The following ZNF107 variants were observed in gnomAD, a reference collection of about 807,000 sequenced individuals.
ZNF107 encodes the protein C2H2 type zinc-finger protein.
ZNF107 carries 19 observed loss-of-function variants against 12.3 expected under a neutral mutation model. That is an observed-to-expected ratio of 1.55 (90% CI 1.08 to 2.27). The LOEUF (loss-of-function observed/expected upper bound fraction) is 2.27, where lower values mean the gene tolerates loss of function less well. Ranked by LOEUF, ZNF107 falls within the 30% of genes most tolerant of loss-of-function variation. ZNF107 has a pLI of 0.00. For missense variants in ZNF107, 958 were observed against 979.9 expected (o/e 0.98, Z 0.30); for synonymous variants, 317 against 330.5 (o/e 0.96, Z 0.44).
At chr7:64,671,075 G>A (rs1789203943) in intron 1 of ZNF107, among the ~76,000 whole-genome samples, 1 of 152,090 alleles carries the variant, frequency 6.6e-6, no homozygotes, top group Admixed American at 6.5e-5. Flanking sequence ...CAGATTTGGT[G>A]CCAAAAGAAA....
intron 3 of ZNF107, among the ~76,000 whole-genome samples, chr7:64,696,242 G>A (rs1373452883): frequency 1.3e-5 from 2 of 152,020 alleles, no homozygotes; most frequent in Non-Finnish European, 2.9e-5. Context: ...TAGTAGAGAC[G>A]GGGTTTCACC....
intron 1 of ZNF107, among the ~76,000 whole-genome samples, chr7:64,679,988 G>A (rs1789590870): frequency 6.6e-6 from 1 of 151,918 alleles, no homozygotes; most frequent in Non-Finnish European, 1.5e-5. Flanking sequence ...CTTGTCCACA[G>A]ACCCTTCCGA....
At chr7:64,680,534 A>C (rs1789618195) in intron 1 of ZNF107, among the ~76,000 whole-genome samples, 1 of 152,162 alleles carries the variant, frequency 6.6e-6, no homozygotes, top group African/African-American at 2.4e-5. Flanking sequence ...TCACTTGCTT[A>C]GTAGAGGGAC....
rs142912266 is a variant in ZNF107, at chr7:64,709,544, A to C, written c.*888A>C. ...GTGAAAAATCCTAGAAATGTGAAAA[A>C]TATCACAAAGCCTTTAAATGGTTGT... On this transcript the variant is annotated 3_prime_UTR_variant, in exon 4 of 4. Coordinates refer to ENST00000620827, the MANE Select transcript of ZNF107 (RefSeq NM_001282359.2). 7.1e-4 allele frequency: 266 copies of C among 372,226 alleles called. No individual in the cohort carries two copies. The highest frequency in any genetic ancestry group is 5.2e-3 in the African/African-American group (235 of 45,520). The allele number at this position is 372,226 out of a possible 1,614,324, so 23.1% of individuals were successfully genotyped here. A position where few individuals can be genotyped will look rare whatever the true frequency, so the allele number is the denominator to read the frequency against.
At chr7:64,680,115 G>A (rs909639958) in intron 1 of ZNF107, among the ~76,000 whole-genome samples, 3 of 151,602 alleles carry the variant, frequency 2.0e-5, no homozygotes, top group Non-Finnish European at 4.4e-5. Context: ...CCCCATACCC[G>A]AACTGGCTGA....
intron 1 of ZNF107, among the ~76,000 whole-genome samples, chr7:64,671,470 C>T (rs1189138963): frequency 6.6e-6 from 1 of 152,188 alleles, no homozygotes; most frequent in Non-Finnish European, 1.5e-5. Context: ...GCAGCAGCAG[C>T]CTGCTCTCTC....
At chr7:64,676,201 G>A (rs1789410364) in intron 1 of ZNF107, among the ~76,000 whole-genome samples, 1 of 152,096 alleles carries the variant, frequency 6.6e-6, no homozygotes, top group African/African-American at 2.4e-5. Flanking sequence ...GGTTTTCTTT[G>A]TATTCAATTA....
In ZNF107 at chr7:64,666,209, C is replaced by A. The variant is rs1328434815; in HGVS notation, c.-74C>A. On this transcript the variant is annotated 5_prime_UTR_variant, in exon 1 of 4. Coordinates refer to ENST00000620827, the MANE Select transcript of ZNF107 (RefSeq NM_001282359.2). ...GTGTCCTCTGCTCCTAGAGGCCCAG[C>A]CTCTGTGTCCCTGTGACCTGCAGAT... The A allele has an allele frequency of 8.2e-6, 13 of 1,583,312 alleles. No individual in the cohort carries two copies. The highest frequency in any genetic ancestry group is 4.0e-5 in the African/African-American group (3 of 74,096).
chr7:64,677,827 G>A (rs1789481841), intron 1 of ZNF107, among the ~76,000 whole-genome samples: 2 of 135,042 alleles, frequency 1.5e-5, no homozygotes, highest in Non-Finnish European at 3.1e-5. Context: ...ACTCCAGCCT[G>A]GGCGACAGAG....
At chr7:64,696,376 A>G (rs1790288993) in intron 3 of ZNF107, among the ~76,000 whole-genome samples, 2 of 152,132 alleles carry the variant, frequency 1.3e-5, no homozygotes, top group Non-Finnish European at 2.9e-5. Flanking sequence ...ATAGCCAGGC[A>G]TGGTAGTGTG....
At chr7:64,674,254 G>A (rs1481219261) in intron 1 of ZNF107, among the ~76,000 whole-genome samples, 1 of 152,030 alleles carries the variant, frequency 6.6e-6, no homozygotes, top group Non-Finnish European at 1.5e-5. Flanking sequence ...AGCATAAAAC[G>A]ATTTTCCATT....
At chr7:64,686,723 C>CCG (rs1789928727) in intron 1 of ZNF107, 1 of 895,896 alleles carries the variant, frequency 1.1e-6, no homozygotes, top group Non-Finnish European at 1.3e-6. Flanking sequence ...TCTGTTCCAA[C>CCG]TGGTTGATCA....
At chr7:64,679,425 C>A in intron 1 of ZNF107, 1 of 922,318 alleles carries the variant, frequency 1.1e-6, no homozygotes, top group Non-Finnish European at 1.3e-6. Flanking sequence ...TAACATTGGT[C>A]ATGGATTATC....
At chr7:64,693,474 G>T (rs1413221948) in intron 3 of ZNF107, among the ~76,000 whole-genome samples, 1 of 152,050 alleles carries the variant, frequency 6.6e-6, no homozygotes, top group African/African-American at 2.4e-5. Flanking sequence ...AGGAGGTAAA[G>T]ATCTTTTGTT....
intron 1 of ZNF107, among the ~76,000 whole-genome samples, chr7:64,682,516 G>C (rs530062782): frequency 6.6e-6 from 1 of 152,020 alleles, no homozygotes; most frequent in Non-Finnish European, 1.5e-5. Flanking sequence ...CCTCACTGGC[G>C]TTCCTCGACT....
In ZNF107 at chr7:64,666,442, T is replaced by A. The variant is rs559570503; in HGVS notation, c.3+157T>A. 2.6e-5 allele frequency among the ~76,000 whole-genome samples: 4 copies of A among 152,090 alleles called. No homozygotes were observed. In the East Asian group the frequency reaches 7.8e-4, roughly 29 times the overall value. On this transcript the variant is annotated intron_variant, in intron 1 of 3. Coordinates refer to ENST00000620827, the MANE Select transcript of ZNF107 (RefSeq NM_001282359.2). ...GTCCCCCGCGGCCCCGAGTTCTCCT[T>A]GGCGCAGCTCGGTCCTCAGTCCCCT...
chr7:64,703,990 A>T (rs563423965), intron 3 of ZNF107, among the ~76,000 whole-genome samples: 1 of 152,038 alleles, frequency 6.6e-6, no homozygotes, highest in African/African-American at 2.4e-5. Flanking sequence ...CCTCTACAAG[A>T]TAAAACAGTA....
intron 3 of ZNF107, among the ~76,000 whole-genome samples, chr7:64,700,005 T>A (rs532427924): frequency 4.9e-4 from 68 of 137,852 alleles, no homozygotes; most frequent in Non-Finnish European, 8.9e-4. Flanking sequence ...AGGCGGAGCT[T>A]GCAGTGAGCC....
Position 64,706,317 on chromosome 7 carries a change from C to T in ZNF107, c.227-7C>T, listed in dbSNP as rs1790638885. ...GTGGAGTAATTTATTATTTTTATTTCTTTCAGTAATGTCTTTTCATTTTGC... is the reference window on the plus strand; with the variant it reads ...GTGGAGTAATTTATTATTTTTATTTTTTTCAGTAATGTCTTTTCATTTTGC... On this transcript the variant is annotated splice_region_variant and splice_polypyrimidine_tract_variant and intron_variant, in intron 3 of 3. Coordinates refer to ENST00000620827, the MANE Select transcript of ZNF107 (RefSeq NM_001282359.2). The T allele has an allele frequency of 6.6e-7, 1 of 1,507,826 alleles. No homozygotes were observed. The highest frequency in any genetic ancestry group is 1.4e-5 in the South Asian group (1 of 71,344). 93.4% of individuals were successfully genotyped at this position (1,507,826 alleles called of 1,614,324 possible).
Sources: allele counts gnomAD v4.1 joint callset (sites outside exome capture counted in the v4.1 genomes callset), GRCh38; gene constraint gnomAD v4.1.1; transcripts MANE v1.5; gene names NCBI Gene and HGNC (gene_info 2026-07-23, HGNC 2026-07-21).